NSUN6: variants seen among roughly 807,000 people sequenced by gnomAD.
NSUN6 encodes tRNA (cytosine(72)-C(5))-methyltransferase NSUN6.
Under a neutral mutation model 58.0 loss-of-function variants are expected in NSUN6, and 64 were observed. The observed-to-expected ratio is 1.10, with a 90% CI of 0.90 to 1.36. The LOEUF is 1.36. Among genes scored for constraint, NSUN6 ranks in the 40% most tolerant of loss-of-function variants. The pLI, the probability that NSUN6 is intolerant of heterozygous loss-of-function variation, is 0.00. For missense variants in NSUN6, 701 were observed against 550.1 expected (o/e 1.27, Z -2.74); for synonymous variants, 231 against 193.9 (o/e 1.19, Z -1.59).
intron 3 of NSUN6, among the ~76,000 whole-genome samples, chr10:18,639,216 C>T (rs2059319108): frequency 6.6e-6 from 1 of 152,106 alleles, no homozygotes. Flanking sequence ...CTTAATAGGC[C>T]GGGTGCGGTG....
At chr10:18,648,807 T>C (rs929871763) in intron 1 of NSUN6, among the ~76,000 whole-genome samples, 162 bp from the exon 2 acceptor site, 2 of 152,218 alleles carry the variant, frequency 1.3e-5, no homozygotes, top group African/African-American at 4.8e-5. Flanking sequence ...GAAATAGTAA[T>C]ACTTCACGGG....
chr10:18,649,029 G>A (rs918460287), intron 1 of NSUN6, among the ~76,000 whole-genome samples: 2 of 151,996 alleles, frequency 1.3e-5, no homozygotes, highest in Non-Finnish European at 2.9e-5. Flanking sequence ...CAAGTTAGTT[G>A]GACGTTAGCT....
At chr10:18,648,134 C>T (rs1395545990) in intron 2 of NSUN6, among the ~76,000 whole-genome samples, 2 of 152,180 alleles carry the variant, frequency 1.3e-5, no homozygotes, top group African/African-American at 4.8e-5. Flanking sequence ...GCTATACCAT[C>T]TGTCCTCCTG....
chr10:18,554,671 A>AGAATG (rs1303210773), intron 8 of NSUN6, among the ~76,000 whole-genome samples: 2 of 151,170 alleles, frequency 1.3e-5, no homozygotes, highest in African/African-American at 4.9e-5. Context: ...AATGCAATGG[A>AGAATG]GAATGGAATG....
At chr10:18,572,882 T>A (rs576746172) in intron 8 of NSUN6, among the ~76,000 whole-genome samples, 1 of 144,332 alleles carries the variant, frequency 6.9e-6, no homozygotes, top group African/African-American at 2.6e-5. Context: ...TTTCTCCATT[T>A]CATTCCATTC....
intron 8 of NSUN6, among the ~76,000 whole-genome samples, chr10:18,575,499 C>T (rs1589922490): frequency 6.6e-6 from 1 of 152,166 alleles, no homozygotes; most frequent in African/African-American, 2.4e-5. Context: ...TAATAGAGAA[C>T]ATTGATTCAG....
chr10:18,609,813 T>A (rs372850499), intron 6 of NSUN6, 32 bp downstream of exon 6: 1 of 1,120,462 alleles, frequency 8.9e-7, no homozygotes. Flanking sequence ...TGTTTCAATG[T>A]CACTAAATAT....
chr10:18,658,008 G>C (rs1456450773), upstream of NSUN6, among the ~76,000 whole-genome samples: 2 of 150,026 alleles, frequency 1.3e-5, no homozygotes, highest in East Asian at 1.9e-4. Context: ...GCAGAATGTG[G>C]TTTACATCCA....
chr10:18,613,791 C>T (rs967551847), intron 5 of NSUN6, among the ~76,000 whole-genome samples: 2 of 152,110 alleles, frequency 1.3e-5, no homozygotes, highest in African/African-American at 2.4e-5. Context: ...TTAGGGATAT[C>T]GTCCAATTCT....
chr10:18,572,994 T>C (rs1361707950), intron 8 of NSUN6, among the ~76,000 whole-genome samples: 1 of 149,722 alleles, frequency 6.7e-6, no homozygotes, highest in Non-Finnish European at 1.5e-5. Context: ...CCTTTCTCTA[T>C]TCCATTCCAT....
intron 3 of NSUN6, among the ~76,000 whole-genome samples, chr10:18,631,707 G>A (rs1040002435): frequency 1.1e-4 from 16 of 148,854 alleles, no homozygotes; most frequent in Admixed American, 2.0e-4. Flanking sequence ...GGGATGTGAA[G>A]GACCTCTTCA....
intron 8 of NSUN6, among the ~76,000 whole-genome samples, chr10:18,574,403 G>A (rs746029227): frequency 2.6e-5 from 4 of 151,932 alleles, no homozygotes; most frequent in African/African-American, 4.8e-5. Context: ...ACTCAACCCA[G>A]CAGGTTTCCT....
chr10:18,596,171 T>C, intron 7 of NSUN6, 37 bp downstream of exon 7: 2 of 1,561,884 alleles, frequency 1.3e-6, no homozygotes, highest in Non-Finnish European at 1.8e-6. Flanking sequence ...AAATATACAC[T>C]ACTTTGAGAG....
At chr10:18,576,189 T>C (rs765618183) in intron 8 of NSUN6, among the ~76,000 whole-genome samples, 1 of 152,116 alleles carries the variant, frequency 6.6e-6, no homozygotes, top group Non-Finnish European at 1.5e-5. Context: ...GCTCTATTGC[T>C]GACCATCTAG....
At chr10:18,641,233 T>A (rs1302273352) in intron 3 of NSUN6, among the ~76,000 whole-genome samples, 1 of 152,158 alleles carries the variant, frequency 6.6e-6, no homozygotes, top group East Asian at 1.9e-4. Context: ...CAAACTTCAA[T>A]TTTAACAAAA....
At chr10:18,560,108 G>A (rs970422858) in intron 8 of NSUN6, among the ~76,000 whole-genome samples, 1 of 151,004 alleles carries the variant, frequency 6.6e-6, no homozygotes, top group Non-Finnish European at 1.5e-5. Context: ...GAAAGGAAGG[G>A]AAGGGAATGG....
At chr10:18,589,733 A>C (rs1307666651) in intron 7 of NSUN6, among the ~76,000 whole-genome samples, 2 of 152,132 alleles carry the variant, frequency 1.3e-5, no homozygotes, top group African/African-American at 4.8e-5. Flanking sequence ...CCACCAGTCC[A>C]CCCTTACAAG....
chr10:18,603,018 C>T (rs994540952), intron 6 of NSUN6, among the ~76,000 whole-genome samples: 2 of 152,124 alleles, frequency 1.3e-5, no homozygotes, highest in Non-Finnish European at 1.5e-5. Context: ...TTAGGTCGGG[C>T]GCAGTGGCTC....
chr10:18,586,230 T>A, intron 7 of NSUN6, 137 bp from the exon 8 acceptor site: 1 of 670,070 alleles, frequency 1.5e-6, no homozygotes, highest in Non-Finnish European at 2.4e-6. Context: ...TTAAAACCTC[T>A]ATCCATTAAC....
Sources: gnomAD v4.1 joint callset for allele counts (sites outside exome capture counted in the v4.1 genomes callset) on GRCh38, gnomAD v4.1.1 for gene constraint, MANE v1.5 for transcripts, NCBI Gene and HGNC (gene_info 2026-07-23, HGNC 2026-07-21) for gene names.